The following IL1RAPL1 variants were observed in gnomAD, a reference collection of about 807,000 sequenced individuals.
IL1RAPL1 encodes the protein interleukin-1 receptor accessory protein-like 1.
In IL1RAPL1, 3 loss-of-function variants were observed where a neutral mutation model predicts 48.4. The ratio of observed to expected loss-of-function variants is 0.06; its 90% CI spans 0.03 to 0.16. The LOEUF (loss-of-function observed/expected upper bound fraction) is 0.16. Among genes scored for constraint, IL1RAPL1 ranks in the 10% least tolerant of loss-of-function variants. The probability of loss-of-function intolerance (pLI) is 1.00; values close to 1 mark genes in which losing one functional copy is unlikely to be tolerated. For missense variants in IL1RAPL1, 349 were observed against 530.6 expected (o/e 0.66, Z 3.36); for synonymous variants, 185 against 187.7 (o/e 0.99, Z 0.12).
At chrX:28,852,003 G>C in intron 2 of IL1RAPL1, among the ~76,000 whole-genome samples, 2 of 112,094 alleles carry the variant, frequency 1.8e-5, no homozygotes, top group Admixed American at 1.9e-4. Flanking sequence ...TGGGAATGTA[G>C]TTATCCAGCA....
intron 2 of IL1RAPL1, among the ~76,000 whole-genome samples, chrX:29,169,071 C>G (rs888000437): frequency 9.4e-6 from 1 of 106,680 alleles, no homozygotes; most frequent in Non-Finnish European, 1.9e-5. Context: ...TGTAAATGGG[C>G]ATTTATGTTG....
chrX:29,366,809 C>T (rs188141631), intron 3 of IL1RAPL1, among the ~76,000 whole-genome samples: 4 of 110,044 alleles, frequency 3.6e-5, no homozygotes, highest in African/African-American at 1.3e-4. Context: ...CCTCGTGATC[C>T]GCCCGCCTCG....
rs186122332 is a variant in IL1RAPL1, at chrX:28,599,867, C to A, written c.-25+11820C>A. 2.7e-4 allele frequency among the ~76,000 whole-genome samples: 30 copies of A among 112,007 alleles called. No individual in the cohort carries two copies. In the East Asian group the frequency reaches 3.9e-3, roughly 15 times the overall value. On this transcript the variant is annotated intron_variant, in intron 1 of 10. Coordinates refer to ENST00000378993, the MANE Select transcript of IL1RAPL1 (RefSeq NM_014271.4). The stretch of plus-strand genomic sequence containing the variant: ...AATGTGGTTGCAGCTGGGGCCCCAG[C>A]AGTTCCAATGAGAAGTTCTAAAGAT...
At chrX:29,685,771 G>A (rs1308170747) in intron 6 of IL1RAPL1, among the ~76,000 whole-genome samples, 3 of 110,268 alleles carry the variant, frequency 2.7e-5, no homozygotes, top group Non-Finnish European at 5.7e-5. Context: ...TGGATCATGA[G>A]GTCAGGAGTT....
chrX:29,339,746 C>T (rs1276055750), intron 3 of IL1RAPL1, among the ~76,000 whole-genome samples: 3 of 112,037 alleles, frequency 2.7e-5, no homozygotes, highest in African/African-American at 9.7e-5. Context: ...CCTTAACATT[C>T]TTCTTCTGTT....
At chrX:28,719,452 G>A (rs1241689166) in intron 1 of IL1RAPL1, among the ~76,000 whole-genome samples, 1 of 110,899 alleles carries the variant, frequency 9.0e-6, no homozygotes, top group Non-Finnish European at 1.9e-5. Flanking sequence ...GTAGTGTCTA[G>A]TTGGAGAACT....
chrX:29,161,263 T>C (rs1448739779), intron 2 of IL1RAPL1, among the ~76,000 whole-genome samples: 2 of 111,379 alleles, frequency 1.8e-5, no homozygotes, highest in African/African-American at 3.3e-5. Flanking sequence ...GAGAAAGTGA[T>C]GTATGGAGAA....
At chrX:29,859,805 G>T (rs1931542482) in intron 6 of IL1RAPL1, among the ~76,000 whole-genome samples, 1 of 111,698 alleles carries the variant, frequency 9.0e-6, no homozygotes. Flanking sequence ...TACTTACACA[G>T]AAAGGGTCCT....
At chrX:29,240,199 T>C (rs1353291625) in intron 2 of IL1RAPL1, among the ~76,000 whole-genome samples, 204 of 17,209 alleles carry the variant, frequency 0.012, 3 homozygotes, top group African/African-American at 0.039. Context: ...CACACACATA[T>C]ATATATATAT....
chrX:29,659,620 T>A (rs2147095957), intron 5 of IL1RAPL1, among the ~76,000 whole-genome samples: 1 of 111,805 alleles, frequency 8.9e-6, no homozygotes, highest in Non-Finnish European at 1.9e-5. Context: ...TTTGTTTGTG[T>A]TTTTGTTTTT....
At chrX:28,724,356 CTT>C (rs983773286) in intron 1 of IL1RAPL1, among the ~76,000 whole-genome samples, 1 of 111,535 alleles carries the variant, frequency 9.0e-6, no homozygotes, top group Non-Finnish European at 1.9e-5. Flanking sequence ...TAATGGCCTT[CTT>C]TGTCTCTTTT....
chrX:28,846,776 C>A (rs1921520397), intron 2 of IL1RAPL1, among the ~76,000 whole-genome samples: 1 of 111,834 alleles, frequency 8.9e-6, no homozygotes, highest in Admixed American at 9.5e-5. Context: ...ATCATCTCAT[C>A]CAGAATCCTT....
At chrX:29,551,580 C>T (rs1005425836) in intron 5 of IL1RAPL1, among the ~76,000 whole-genome samples, 3 of 111,486 alleles carry the variant, frequency 2.7e-5, no homozygotes, top group Non-Finnish European at 5.6e-5. Flanking sequence ...TTAATTTTCT[C>T]ATTAAAATTG....
intron 2 of IL1RAPL1, among the ~76,000 whole-genome samples, chrX:28,975,196 A>G (rs1014445296): frequency 5.4e-5 from 6 of 111,597 alleles, no homozygotes; most frequent in African/African-American, 2.0e-4. Flanking sequence ...TATTGTGGTG[A>G]ATACTTGTTT....
Position 28,587,724 on chromosome X carries a change from C to T in IL1RAPL1, c.-348C>T, listed in dbSNP as rs1318139975. 9.7e-6 allele frequency: 1 copy of T among 103,355 alleles called. No homozygotes were observed. The highest frequency in any genetic ancestry group is 2.0e-5 in the Non-Finnish European group (1 of 51,144). The allele number at this position is 103,355 out of a possible 1,213,427, so 8.5% of individuals were successfully genotyped here. On this transcript the variant is annotated 5_prime_UTR_variant, in exon 1 of 11. Transcript: ENST00000378993. ...CTGCTCTCTCCTCTCTCAGTCTCTC[C>T]TTTTCTATCTGCCTCTTCATTTTTC... is the stretch of plus-strand genomic sequence containing the variant.
At chrX:28,768,822 GTGTATA>G (rs796140715) in intron 1 of IL1RAPL1, among the ~76,000 whole-genome samples, 2,487 of 52,757 alleles carry the variant, frequency 0.047, 65 homozygotes, top group East Asian at 0.24. Context: ...TAATGTGTGT[GTGTATA>G]TATATATATA....
chrX:28,719,961 A>T (rs935058639), intron 1 of IL1RAPL1, among the ~76,000 whole-genome samples: 6 of 111,011 alleles, frequency 5.4e-5, no homozygotes, highest in Admixed American at 1.9e-4. Context: ...CTTTGACCGT[A>T]GAGTTTTTTC....
intron 1 of IL1RAPL1, among the ~76,000 whole-genome samples, chrX:28,627,228 C>G (rs1261351168): frequency 1.8e-5 from 2 of 111,907 alleles, no homozygotes; most frequent in African/African-American, 6.5e-5. Flanking sequence ...ATGGCCTTGA[C>G]TGTTCAATCT....
At chrX:29,954,235 CAAAAAAA>C (rs34345826) in intron 9 of IL1RAPL1, among the ~76,000 whole-genome samples, 6,247 of 30,262 alleles carry the variant, frequency 0.21, 351 homozygotes, top group East Asian at 0.31. Context: ...GACTGTGTCC[CAAAAAAA>C]AAAAAAAAAA....
Sources: gnomAD v4.1 joint callset for allele counts (sites outside exome capture counted in the v4.1 genomes callset) on GRCh38, gnomAD v4.1.1 for gene constraint, MANE v1.5 for transcripts, NCBI Gene and HGNC (gene_info 2026-07-23, HGNC 2026-07-21) for gene names.